The following TENM3 variants were observed in gnomAD, a reference collection of about 807,000 sequenced individuals.
The protein encoded by TENM3 is teneurin transmembrane protein 3.
In TENM3, 63 loss-of-function variants were observed where a neutral mutation model predicts 255.1. That is an observed-to-expected ratio of 0.25 (90% CI 0.20 to 0.30). The LOEUF (loss-of-function observed/expected upper bound fraction) is 0.30, where lower values mean the gene tolerates loss of function less well. Ranked by LOEUF, TENM3 falls within the 10% of genes least tolerant of loss-of-function variation. The pLI is 1.00. For missense variants in TENM3, 2,929 were observed against 3,461.1 expected (o/e 0.85, Z 3.86); for synonymous variants, 1,306 against 1,322.3 (o/e 0.99, Z 0.27).
At chr4:181,992,948 T>C in the TENM3 span, among the ~76,000 whole-genome samples, 1 of 152,160 alleles carries the variant, frequency 6.6e-6, no homozygotes, top group Non-Finnish European at 1.5e-5. Flanking sequence ...TTAAAGTCTA[T>C]AAATTAGTAC....
intron 1 of TENM3, among the ~76,000 whole-genome samples, chr4:182,251,666 C>G (rs1007510935): frequency 6.6e-6 from 1 of 152,126 alleles, no homozygotes; most frequent in Non-Finnish European, 1.5e-5. Context: ...ATTCTATTCC[C>G]TCCTCGAGGT....
chr4:182,232,149 T>C (rs1355176748), intron 1 of TENM3, among the ~76,000 whole-genome samples: 2 of 152,168 alleles, frequency 1.3e-5, no homozygotes, highest in Non-Finnish European at 2.9e-5. Flanking sequence ...CAAATGTCTA[T>C]TCCGGGAACT....
At chr4:182,566,690 A>G (rs967773333) in intron 3 of TENM3, among the ~76,000 whole-genome samples, 3 of 152,156 alleles carry the variant, frequency 2.0e-5, no homozygotes, top group Non-Finnish European at 4.4e-5. Flanking sequence ...GAGGCCACCA[A>G]TGGAATGTCA....
chr4:182,271,980 G>A (rs1375541675), intron 1 of TENM3, among the ~76,000 whole-genome samples: 1 of 152,176 alleles, frequency 6.6e-6, no homozygotes, highest in Non-Finnish European at 1.5e-5. Context: ...CCTCGTGACC[G>A]TTCGGCCAGT....
intron 22 of TENM3, among the ~76,000 whole-genome samples, chr4:182,769,715 C>T (rs572499697): frequency 1.8e-4 from 27 of 151,922 alleles, no homozygotes; most frequent in Admixed American, 1.2e-3. Flanking sequence ...ACTTGGGAGG[C>T]GGAGGTTGCA....
chr4:181,822,109 G>T, the TENM3 span, among the ~76,000 whole-genome samples: 3 of 152,058 alleles, frequency 2.0e-5, no homozygotes, highest in African/African-American at 7.2e-5. Flanking sequence ...ACTTCATCAG[G>T]TTTCTTTTTT....
chr4:182,686,689 CT>C (rs1160842946), intron 11 of TENM3, among the ~76,000 whole-genome samples: 1 of 152,130 alleles, frequency 6.6e-6, no homozygotes, highest in East Asian at 1.9e-4. Context: ...TTCAATTCCA[CT>C]TCAATTAAAT....
At chr4:182,514,088 C>T (rs184454871) in intron 3 of TENM3, among the ~76,000 whole-genome samples, 208 of 152,354 alleles carry the variant, frequency 1.4e-3, no homozygotes, top group African/African-American at 4.7e-3. Context: ...CATGCCCCCT[C>T]CTCTTGGGAA....
chr4:182,768,346 G>A, intron 22 of TENM3, among the ~76,000 whole-genome samples: 1 of 152,170 alleles, frequency 6.6e-6, no homozygotes, highest in Non-Finnish European at 1.5e-5. Flanking sequence ...GTTTCCACTT[G>A]AATAAATTTG....
chr4:182,760,626 T>G (rs1763110981), intron 22 of TENM3, among the ~76,000 whole-genome samples: 1 of 152,234 alleles, frequency 6.6e-6, no homozygotes, highest in African/African-American at 2.4e-5. Flanking sequence ...GTGAGCTATA[T>G]TCAGATTCAC....
the TENM3 span, among the ~76,000 whole-genome samples, chr4:182,037,589 G>A: frequency 6.6e-6 from 1 of 152,166 alleles, no homozygotes; most frequent in East Asian, 1.9e-4. Context: ...CTGCAGGAGC[G>A]AGTTACCACC....
At chr4:182,563,097 T>C (rs980138669) in intron 3 of TENM3, among the ~76,000 whole-genome samples, 1 of 152,158 alleles carries the variant, frequency 6.6e-6, no homozygotes, top group Non-Finnish European at 1.5e-5. Context: ...AAAATGTTAC[T>C]CTGGTACACT....
intron 12 of TENM3, among the ~76,000 whole-genome samples, chr4:182,695,098 G>A (rs538498463): frequency 1.3e-5 from 2 of 152,218 alleles, no homozygotes; most frequent in South Asian, 2.1e-4. Flanking sequence ...GTCACATTTT[G>A]TTTATAATTT....
the TENM3 span, among the ~76,000 whole-genome samples, chr4:181,916,586 G>A: frequency 0.33 from 50,435 of 151,870 alleles, 9,858 homozygotes; most frequent in Admixed American, 0.49. Context: ...TGTATTTTAA[G>A]AGTAGAAGCA....
intron 1 of TENM3, among the ~76,000 whole-genome samples, chr4:182,151,121 T>C (rs1050565238): frequency 1.3e-5 from 2 of 152,080 alleles, no homozygotes; most frequent in Admixed American, 6.6e-5. Flanking sequence ...TCCAGCATCC[T>C]CTTGTGTCCA....
intron 2 of TENM3, among the ~76,000 whole-genome samples, chr4:182,335,821 T>C (rs1470820370): frequency 6.6e-6 from 1 of 152,204 alleles, no homozygotes; most frequent in African/African-American, 2.4e-5. Flanking sequence ...ACTGAATGAC[T>C]GTTACAGTTT....
intron 6 of TENM3, among the ~76,000 whole-genome samples, chr4:182,655,554 C>T (rs149678060): frequency 1.3e-5 from 2 of 152,258 alleles, no homozygotes; most frequent in African/African-American, 4.8e-5. Flanking sequence ...TCACAGAAGC[C>T]TATATTCAAA....
intron 3 of TENM3, among the ~76,000 whole-genome samples, chr4:182,589,926 C>T (rs1467144189): frequency 5.9e-5 from 9 of 151,950 alleles, no homozygotes; most frequent in Non-Finnish European, 1.3e-4. Context: ...TTCAGTGAGC[C>T]GAGATCGCAC....
At chr4:181,546,667 T>G in the TENM3 span, among the ~76,000 whole-genome samples, 1 of 133,836 alleles carries the variant, frequency 7.5e-6, no homozygotes, top group African/African-American at 2.9e-5. Context: ...CGAGCCGAGA[T>G]CGCGCCACTG....
Sources: allele counts gnomAD v4.1 joint callset (sites outside exome capture counted in the v4.1 genomes callset), GRCh38; gene constraint gnomAD v4.1.1; transcripts MANE v1.5; gene names NCBI Gene and HGNC (gene_info 2026-07-23, HGNC 2026-07-21).